Variants in LCLAT1 observed in about 807,000 individuals in gnomAD.
LCLAT1 encodes the protein lysocardiolipin acyltransferase 1.
A neutral mutation model predicts 30.7 loss-of-function variants in LCLAT1; 11 were observed. The observed-to-expected ratio is 0.36, with a 90% CI of 0.23 to 0.59. The LOEUF (loss-of-function observed/expected upper bound fraction) is 0.59, where lower values mean the gene tolerates loss of function less well. LCLAT1 is among the 20% of genes least tolerant of loss of function. LCLAT1 has a pLI of 0.77. For synonymous variants in LCLAT1, 155 were observed against 151.3 expected, an observed-to-expected ratio of 1.02 and a Z score of -0.18; for missense variants, 402 against 458.6, an observed-to-expected ratio of 0.88 and a Z score of 1.13.
Position 30,453,839 on chromosome 2 carries a change from G to C in LCLAT1, c.-5+6456G>C, listed in dbSNP as rs372320121. Among the ~76,000 whole-genome samples the C allele has an allele frequency of 9.9e-5, 15 of 152,224 alleles. No individual in the cohort carries two copies. The East Asian group carries it at 2.7e-3, about 27-fold the overall frequency. On this transcript the variant is annotated intron_variant, in intron 1 of 5. Transcript: ENST00000379509. ...GAGTGCCAGGTGTATACTGAGTTCT[G>C]TTCTAAGTGCTTTAAGTTTTTAACT... is the stretch of plus-strand genomic sequence containing the variant.
intron 5 of LCLAT1, chr2:30,607,895 GTGTGTC>G (rs1377847141): frequency 7.3e-5 from 6 of 81,644 alleles, no homozygotes; most frequent in Admixed American, 2.8e-4. Context: ...GTGTGTGTGT[GTGTGTC>G]TTAATTTTTA....
At chr2:30,623,581 A>T (rs938846723) in intron 5 of LCLAT1, among the ~76,000 whole-genome samples, 1 of 152,122 alleles carries the variant, frequency 6.6e-6, no homozygotes, top group Non-Finnish European at 1.5e-5. Context: ...AATGGGGGAA[A>T]AAAAAAACAA....
At chr2:30,495,819 T>A (rs1349716441) in intron 1 of LCLAT1, among the ~76,000 whole-genome samples, 1 of 152,210 alleles carries the variant, frequency 6.6e-6, no homozygotes, top group Non-Finnish European at 1.5e-5. Flanking sequence ...TCTAAAGATT[T>A]ACATGAAAAC....
intron 1 of LCLAT1, among the ~76,000 whole-genome samples, chr2:30,501,950 A>G (rs574381312): frequency 1.2e-4 from 18 of 152,350 alleles, no homozygotes; most frequent in Non-Finnish European, 2.2e-4. Context: ...TATATCAGTG[A>G]TGGACTTTTG....
chr2:30,462,174 A>G (rs1682181758), intron 1 of LCLAT1, among the ~76,000 whole-genome samples: 1 of 152,226 alleles, frequency 6.6e-6, no homozygotes, highest in African/African-American at 2.4e-5. Context: ...TTCAAGGCCC[A>G]CTGGAGTCCA....
intron 1 of LCLAT1, among the ~76,000 whole-genome samples, chr2:30,448,893 C>A (rs1681401547): frequency 6.6e-6 from 1 of 152,076 alleles, no homozygotes; most frequent in Non-Finnish European, 1.5e-5. Context: ...TCTCATTGCA[C>A]TGTTGGGAGG....
At chr2:30,590,018 AATC>A (rs1480804175) in intron 5 of LCLAT1, among the ~76,000 whole-genome samples, 2 of 152,064 alleles carry the variant, frequency 1.3e-5, no homozygotes, top group African/African-American at 4.8e-5. Flanking sequence ...GAGAGGTGAT[AATC>A]ATGTCTCCTT....
chr2:30,491,178 A>G (rs371266627), intron 1 of LCLAT1, among the ~76,000 whole-genome samples: 1 of 152,222 alleles, frequency 6.6e-6, no homozygotes, highest in African/African-American at 2.4e-5. Flanking sequence ...GACAGAAGAC[A>G]GTATGTATCT....
chr2:30,574,245 A>G (rs1030013649), intron 5 of LCLAT1, among the ~76,000 whole-genome samples: 18 of 152,180 alleles, frequency 1.2e-4, no homozygotes, highest in African/African-American at 4.3e-4. Flanking sequence ...GTGAAGTTAC[A>G]TTACAAAACA....
chr2:30,508,091 C>T (rs953779694), intron 1 of LCLAT1, among the ~76,000 whole-genome samples: 1 of 152,156 alleles, frequency 6.6e-6, no homozygotes, highest in Non-Finnish European at 1.5e-5. Flanking sequence ...TGTATGTCTT[C>T]TTTTGAAAAG....
chr2:30,542,610 A>T (rs2148411847), intron 3 of LCLAT1, among the ~76,000 whole-genome samples: 1 of 152,190 alleles, frequency 6.6e-6, no homozygotes, highest in Middle Eastern at 3.4e-3. Flanking sequence ...ATTTTAAAAT[A>T]AGTTTGGTAA....
At chr2:30,547,109 T>C (rs1664460788) in intron 3 of LCLAT1, among the ~76,000 whole-genome samples, 1 of 152,134 alleles carries the variant, frequency 6.6e-6, no homozygotes, top group African/African-American at 2.4e-5. Context: ...TAAAGGTGCC[T>C]TATTACCCAA....
intron 5 of LCLAT1, among the ~76,000 whole-genome samples, chr2:30,594,762 G>C (rs1387820214): frequency 6.6e-6 from 1 of 152,130 alleles, no homozygotes; most frequent in African/African-American, 2.4e-5. Flanking sequence ...ATGAAACAAT[G>C]CATAATTAAT....
At chr2:30,625,263 A>G (rs991914465) in intron 5 of LCLAT1, among the ~76,000 whole-genome samples, 1 of 152,174 alleles carries the variant, frequency 6.6e-6, no homozygotes, top group Admixed American at 6.5e-5. Context: ...AATTGAAACA[A>G]CACAAAATAC....
At chr2:30,601,151 T>C (rs944452860) in intron 5 of LCLAT1, among the ~76,000 whole-genome samples, 2 of 152,202 alleles carry the variant, frequency 1.3e-5, no homozygotes, top group African/African-American at 4.8e-5. Context: ...TTTATGTTCA[T>C]CTCTAAACTG....
At chr2:30,551,365 T>A (rs1664670966) in intron 3 of LCLAT1, among the ~76,000 whole-genome samples, 1 of 152,208 alleles carries the variant, frequency 6.6e-6, no homozygotes, top group African/African-American at 2.4e-5. Context: ...CTTTTTTCTT[T>A]TAACCACTTA....
intron 2 of LCLAT1, among the ~76,000 whole-genome samples, chr2:30,527,266 A>C (rs1378125865): frequency 1.3e-5 from 2 of 152,224 alleles, no homozygotes; most frequent in African/African-American, 4.8e-5. Flanking sequence ...AAATAAAGAA[A>C]TTGGAGTAAA....
chr2:30,592,497 A>C (rs1408172940), intron 5 of LCLAT1, among the ~76,000 whole-genome samples: 1 of 152,144 alleles, frequency 6.6e-6, no homozygotes, highest in Non-Finnish European at 1.5e-5. Context: ...AAAAAAAGAG[A>C]TATATTAATG....
At chr2:30,617,639 G>A (rs557048526) in intron 5 of LCLAT1, among the ~76,000 whole-genome samples, 2 of 152,216 alleles carry the variant, frequency 1.3e-5, no homozygotes, top group African/African-American at 4.8e-5. Context: ...TCACCATCCT[G>A]ACCAAAACCT....
Sources: gnomAD v4.1 joint callset for allele counts (sites outside exome capture counted in the v4.1 genomes callset) on GRCh38, gnomAD v4.1.1 for gene constraint, MANE v1.5 for transcripts, NCBI Gene and HGNC (gene_info 2026-07-23, HGNC 2026-07-21) for gene names.